ZBTB7C: variants seen among roughly 807,000 people sequenced by gnomAD.
ZBTB7C encodes the protein zinc finger and BTB domain containing 7C, also known as zinc finger and BTB domain-containing protein 7C.
In ZBTB7C, 8 loss-of-function variants were observed where a neutral mutation model predicts 25.7. The observed-to-expected ratio is 0.31, with a 90% confidence interval of 0.18 to 0.56. The LOEUF is 0.56. ZBTB7C is among the 20% of genes least tolerant of loss of function. The pLI, the probability that ZBTB7C is intolerant of heterozygous loss-of-function variation, is 0.91. For synonymous variants in ZBTB7C, 394 were observed against 369.0 expected, an observed-to-expected ratio of 1.07 and a Z score of -0.78; for missense variants, 824 against 855.2, an observed-to-expected ratio of 0.96 and a Z score of 0.46.
chr18:48,029,307 GC>G lies in ZBTB7C; in HGVS notation c.1812del (p.Leu605SerfsTer122). On this transcript the variant is annotated frameshift_variant, in exon 5 of 5. Coordinates refer to ENST00000590800, the MANE Select transcript of ZBTB7C (RefSeq NM_001318841.2). LOFTEE classifies it high-confidence loss of function. ...GAGGCCACGTGGTTGAGGCCGGCGA[GC>G]CCAGGGAGGCCGGCCAGGCCGGCGG... ...PWAAGLAGLP[G>X]LAGLNHVASM... 1 of 1,536,770 alleles carries G rather than the reference GC, an allele frequency of 6.5e-7. No homozygotes were observed.
intron 2 of ZBTB7C, among the ~76,000 whole-genome samples, chr18:48,239,496 G>A (rs1470105355): frequency 6.6e-6 from 1 of 152,160 alleles, no homozygotes; most frequent in Non-Finnish European, 1.5e-5. Context: ...ACTGGAGTAG[G>A]TGCTTACATC....
chr18:48,114,020 A>G (rs2039337713), intron 3 of ZBTB7C, among the ~76,000 whole-genome samples: 1 of 152,182 alleles, frequency 6.6e-6, no homozygotes, highest in South Asian at 2.1e-4. Flanking sequence ...CCTGGGAGCC[A>G]CTGGTGCTCT....
chr18:48,371,597 G>C (rs1388825183), intron 1 of ZBTB7C, among the ~76,000 whole-genome samples: 1 of 152,198 alleles, frequency 6.6e-6, no homozygotes, highest in Admixed American at 6.5e-5. Flanking sequence ...AGTGGGAGCT[G>C]GGCAGGAGGA....
chr18:48,045,098 G>A (rs1459528172), intron 3 of ZBTB7C, among the ~76,000 whole-genome samples: 1 of 152,228 alleles, frequency 6.6e-6, no homozygotes, highest in Non-Finnish European at 1.5e-5. Context: ...AGGTTCAGAG[G>A]TGCTTAGGGA....
At chr18:48,292,183 G>A (rs2045249804) in intron 2 of ZBTB7C, among the ~76,000 whole-genome samples, 1 of 150,824 alleles carries the variant, frequency 6.6e-6, no homozygotes, top group Non-Finnish European at 1.5e-5. Context: ...GGGTGACAGA[G>A]GGAGACTCCA....
At position 48,029,132 on chromosome 18, in the gene ZBTB7C, T is replaced by G. The variant is rs1437401983; in HGVS notation, c.*128A>C. 21 of 1,224,220 alleles carry G rather than the reference T, an allele frequency of 1.7e-5. No individual in the cohort carries two copies. Among genetic ancestry groups the G allele is most frequent in the Non-Finnish European group, 2.1e-5 (19 of 913,696 alleles). The allele number at this position is 1,224,220 out of a possible 1,614,324, so 75.8% of individuals were successfully genotyped here. On this transcript the variant is annotated 3_prime_UTR_variant, in exon 5 of 5. Transcript: ENST00000590800. ...CGGGAAAATGCCATCACTGATAGTA[T>G]TATTATTATTTTCCCATTTTCCCTT...
intron 2 of ZBTB7C, among the ~76,000 whole-genome samples, chr18:48,294,180 G>C (rs969857880): frequency 6.6e-6 from 1 of 152,158 alleles, no homozygotes; most frequent in Admixed American, 6.5e-5. Context: ...TAGGCAATCA[G>C]CAGGTGCGTG....
At chr18:48,111,731 A>G (rs1163319151) in intron 3 of ZBTB7C, among the ~76,000 whole-genome samples, 1 of 152,206 alleles carries the variant, frequency 6.6e-6, no homozygotes, top group Admixed American at 6.5e-5. Context: ...ACTCATTATT[A>G]AAGACCAACC....
At chr18:48,092,045 T>G (rs1038017449) in intron 3 of ZBTB7C, among the ~76,000 whole-genome samples, 1 of 152,116 alleles carries the variant, frequency 6.6e-6, no homozygotes, top group Non-Finnish European at 1.5e-5. Context: ...AGATTCTATG[T>G]CAATCATAGA....
At chr18:48,135,949 G>A (rs979120242) in intron 3 of ZBTB7C, among the ~76,000 whole-genome samples, 7 of 152,244 alleles carry the variant, frequency 4.6e-5, no homozygotes, top group Non-Finnish European at 7.3e-5. Context: ...GCAGCCGCCC[G>A]CTGCCCACCC....
intron 2 of ZBTB7C, among the ~76,000 whole-genome samples, chr18:48,271,252 G>A (rs1025527377): frequency 1.6e-4 from 24 of 152,076 alleles, no homozygotes; most frequent in African/African-American, 5.6e-4. Flanking sequence ...CATGAGGCTA[G>A]TATAACCTTA....
chr18:48,181,804 A>C (rs1302538177), intron 3 of ZBTB7C, among the ~76,000 whole-genome samples: 1 of 152,248 alleles, frequency 6.6e-6, no homozygotes, highest in Non-Finnish European at 1.5e-5. Context: ...TGTAGCCTTC[A>C]GTCACCCCCA....
intron 3 of ZBTB7C, among the ~76,000 whole-genome samples, chr18:48,055,796 G>A (rs1352483193): frequency 6.6e-6 from 1 of 152,034 alleles, no homozygotes; most frequent in African/African-American, 2.4e-5. Context: ...AGCTACCACC[G>A]CTCGTCGTCT....
intron 3 of ZBTB7C, among the ~76,000 whole-genome samples, chr18:48,092,150 C>G (rs576032981): frequency 1.3e-5 from 2 of 152,248 alleles, no homozygotes; most frequent in African/African-American, 2.4e-5. Flanking sequence ...CTTCCAGACA[C>G]AGAGCCCTGG....
chr18:48,284,100 T>C (rs868483813), intron 2 of ZBTB7C, among the ~76,000 whole-genome samples: 1 of 151,542 alleles, frequency 6.6e-6, no homozygotes, highest in Non-Finnish European at 1.5e-5. Flanking sequence ...TGAGCCGAGA[T>C]TGCACCACTG....
chr18:48,161,214 C>G (rs911118814), intron 3 of ZBTB7C, among the ~76,000 whole-genome samples: 14 of 151,610 alleles, frequency 9.2e-5, no homozygotes, highest in Non-Finnish European at 1.3e-4. Flanking sequence ...CACCAAGACC[C>G]AGAGGGCCTG....
chr18:48,172,668 A>G (rs1487556523), intron 3 of ZBTB7C, among the ~76,000 whole-genome samples: 1 of 152,256 alleles, frequency 6.6e-6, no homozygotes, highest in East Asian at 1.9e-4. Flanking sequence ...GTCGAGGGCA[A>G]TGATAGCCCT....
chr18:48,348,569 C>A (rs2046792765), intron 1 of ZBTB7C, among the ~76,000 whole-genome samples: 1 of 152,244 alleles, frequency 6.6e-6, no homozygotes, highest in African/African-American at 2.4e-5. Context: ...GTAATCCCAG[C>A]ACTTTGGGAG....
intron 2 of ZBTB7C, among the ~76,000 whole-genome samples, chr18:48,324,968 T>G (rs2046185065): frequency 6.6e-6 from 1 of 152,128 alleles, no homozygotes; most frequent in Admixed American, 6.5e-5. Context: ...GAAGCAGGGT[T>G]AGCAGACAGG....
Sources: allele counts gnomAD v4.1 joint callset (sites outside exome capture counted in the v4.1 genomes callset), GRCh38; gene constraint gnomAD v4.1.1; transcripts MANE v1.5; gene names NCBI Gene and HGNC (gene_info 2026-07-23, HGNC 2026-07-21).